Variants in WASHC2A observed in about 807,000 individuals in gnomAD.
WASHC2A encodes the protein WASH complex subunit FAM21A.
A neutral mutation model predicts 140.3 loss-of-function variants in WASHC2A; 82 were observed. That is an observed-to-expected ratio of 0.58 (90% CI 0.49 to 0.70). The LOEUF (loss-of-function observed/expected upper bound fraction) is 0.70. Ranked by LOEUF, WASHC2A falls within the 30% of genes least tolerant of loss-of-function variation. The pLI, the probability that WASHC2A is intolerant of heterozygous loss-of-function variation, is 0.00. For synonymous variants in WASHC2A, 340 were observed against 560.8 expected (o/e 0.61, Z 5.56); for missense variants, 985 against 1,521.8 (o/e 0.65, Z 5.87).
rs1839864726 is a variant in WASHC2A, at chr10:50,090,843, A to G, written c.800A>G (p.Lys267Arg). 3.1e-6 allele frequency: 5 copies of G among 1,611,536 alleles called. No individual in the cohort carries two copies. The African/African-American group carries it at 5.3e-5, about 17-fold the overall frequency. The change falls in exon 9 of 31, where the codon AAG becomes AGG. Residue 267 changes from lysine (K) to arginine (R), a missense_variant. Physicochemically the swap from Lys to Arg is conservative, Grantham distance 26. Transcript: ENST00000282633. ...TGTGACCTTTTCGCTGACTCTGAGAAGGAGGAGGAAGATATTGAGGACATT... is the reference window on the plus strand; with the variant it reads ...TGTGACCTTTTCGCTGACTCTGAGAGGGAGGAGGAAGATATTGAGGACATT... Reference protein sequence around the residue: ...DGCDLFADSEKEEEDIEDIEE... With the variant: ...DGCDLFADSEREEEDIEDIEE...
Position 50,067,966 on chromosome 10 carries a change from G to A in WASHC2A, c.-40G>A, listed in dbSNP as rs114923840. ...TCCGGGGCTCTGCAGTCCTCGGCGT[G>A]TGCTGGCAGCTTCGGAGCCCACCGA... On this transcript the variant is annotated 5_prime_UTR_variant, in exon 1 of 31. In the 5' UTR this introduces an upstream ATG that the reference lacks. Coordinates refer to ENST00000282633, the MANE Select transcript of WASHC2A (RefSeq NM_001005751.3). The A allele has an allele frequency of 2.3e-3, 3,718 of 1,598,356 alleles. 83 individuals are homozygous for A. In the African/African-American group the frequency reaches 0.045, roughly 20 times the overall value.
rs1446307704 is a variant in WASHC2A, at chr10:50,131,702, C to G, written c.3886+624C>G. 3.0e-3 allele frequency among the ~76,000 whole-genome samples: 453 copies of G among 152,346 alleles called. 7 individuals carry two copies. The highest frequency in any genetic ancestry group is 0.01 in the African/African-American group (426 of 41,580). ...TGAGGCCACATACACATTTCCTACT[C>G]TCCCCATCAATCTAGACCTTGAGAC... On this transcript the variant is annotated intron_variant, in intron 30 of 30. Transcript: ENST00000282633.
chr10:50,127,919 C>T (rs1410668551), intron 28 of WASHC2A, 124 bp downstream of exon 28: 4 of 1,539,334 alleles, frequency 2.6e-6, no homozygotes, highest in Non-Finnish European at 3.5e-6. Context: ...GGTGCCTCAT[C>T]CTTCCTTCAG....
intron 2 of WASHC2A, 112 bp downstream of exon 2, chr10:50,068,339 C>T (rs1837481611): frequency 8.4e-7 from 1 of 1,188,312 alleles, no homozygotes; most frequent in Admixed American, 2.9e-5. Flanking sequence ...TGCCTGCCCT[C>T]TTAGGAACAC....
At chr10:50,072,707 C>T (rs1589141572) in intron 3 of WASHC2A, among the ~76,000 whole-genome samples, 2 of 151,982 alleles carry the variant, frequency 1.3e-5, no homozygotes, top group Non-Finnish European at 2.9e-5. Context: ...CCAGGATGGT[C>T]TCGATCTCCT....
chr10:50,081,767 G>C (rs537001928), intron 5 of WASHC2A, among the ~76,000 whole-genome samples: 4,048 of 151,522 alleles, frequency 0.027, 145 homozygotes, highest in African/African-American at 0.092. Context: ...CGAGTAGCTG[G>C]GATTACAGGC....
At chr10:50,069,437 T>C (rs1367532360) in intron 2 of WASHC2A, 110 bp from the exon 3 acceptor site, 1 of 1,392,632 alleles carries the variant, frequency 7.2e-7, no homozygotes, top group Non-Finnish European at 9.5e-7. Context: ...AAAGCATTTC[T>C]TTCACATTCT....
intron 3 of WASHC2A, among the ~76,000 whole-genome samples, chr10:50,077,196 A>G (rs1194943108): frequency 1.3e-5 from 2 of 151,712 alleles, no homozygotes; most frequent in African/African-American, 4.8e-5. Flanking sequence ...CGGGAGGCTG[A>G]GACAAGAGAA....
chr10:50,099,567 C>A (rs1488241433), intron 16 of WASHC2A, among the ~76,000 whole-genome samples: 1 of 150,740 alleles, frequency 6.6e-6, no homozygotes, highest in African/African-American at 2.5e-5. Context: ...TGACCTTTCA[C>A]TGCTGTCCTG....
At position 50,099,169 on chromosome 10, in the gene WASHC2A, A is replaced by C. The variant is rs1387139609; in HGVS notation, c.1549-809A>C. On this transcript the variant is annotated intron_variant, in intron 16 of 30. Transcript: ENST00000282633. Reference sequence around the variant, plus strand: ...TATTAGTTGGCATTCTTCTGAATGAAGTTCTTTCTCTCCCTCTCCTTCCCC... The same window carrying C: ...TATTAGTTGGCATTCTTCTGAATGACGTTCTTTCTCTCCCTCTCCTTCCCC... 1.3e-4 allele frequency among the ~76,000 whole-genome samples: 20 copies of C among 152,162 alleles called. No individual in the cohort carries two copies. In the East Asian group the frequency reaches 3.7e-3, roughly 28 times the overall value.
chr10:50,093,350 T>A lies in WASHC2A; in HGVS notation c.1086T>A (p.Ser362Arg), dbSNP rs562261229. Reference protein sequence around the residue: ...SPFGSGGGLFSGGKGLFDDED... With the variant: ...SPFGSGGGLFRGGKGLFDDED... ...TTGGCTCTGGAGGTGGCCTGTTCAG[T>A]GGGGGCAAGGGGCTCTTTGATGATG... Residue 362 changes from serine (S) to arginine (R), a missense_variant, in exon 12 of 31, where the codon AGT becomes AGA. Ser to Arg is a moderately radical substitution (Grantham distance 110). Transcript: ENST00000282633. 6.7e-5 allele frequency: 99 copies of A among 1,485,030 alleles called. 1 individual carries two copies. In the East Asian group the frequency reaches 2.1e-3, roughly 32 times the overall value. 92.0% of individuals were successfully genotyped at this position (1,485,030 alleles called of 1,614,324 possible). A position where few individuals can be genotyped will look rare whatever the true frequency, so the allele number is the denominator to read the frequency against.
intron 7 of WASHC2A, among the ~76,000 whole-genome samples, chr10:50,086,797 AG>A: frequency 8.4e-6 from 1 of 118,482 alleles, no homozygotes; most frequent in East Asian, 2.2e-4. Flanking sequence ...ATGGCTGCAT[AG>A]TATTCCATGG....
rs1306250557 is a variant in WASHC2A, at chr10:50,095,155, A to C, written c.1188A>C (p.Ser396=). The C allele has an allele frequency of 8.8e-6, 14 of 1,582,362 alleles. No homozygotes were observed. In the African/African-American group the frequency reaches 1.7e-4, roughly 20 times the overall value. Residue 396 remains serine (S), a synonymous_variant, in exon 14 of 31, where the codon TCA becomes TCC. Transcript: ENST00000282633. ...CTTGCTTTCTCATTCTAGAGTCTTCATCATCCAAACCTGGAAAGAAAATCC... is the reference window on the plus strand; with the variant it reads ...CTTGCTTTCTCATTCTAGAGTCTTCCTCATCCAAACCTGGAAAGAAAATCC... ...QAGASVKEES[S]SSKPGKKIPA...
At chr10:50,106,717 C>T (rs1370352696) in intron 19 of WASHC2A, among the ~76,000 whole-genome samples, 42 of 135,780 alleles carry the variant, frequency 3.1e-4, no homozygotes, top group African/African-American at 1.1e-3. Context: ...TGAGTTAGGC[C>T]GGCTAGGGGG....
At chr10:50,076,851 C>T (rs1335129602) in intron 3 of WASHC2A, among the ~76,000 whole-genome samples, 19 of 150,206 alleles carry the variant, frequency 1.3e-4, no homozygotes, top group Non-Finnish European at 2.5e-4. Flanking sequence ...GGCATGGTGG[C>T]TCACACCTGT....
intron 16 of WASHC2A, among the ~76,000 whole-genome samples, chr10:50,098,026 C>A (rs1840664516): frequency 6.6e-6 from 1 of 151,210 alleles, no homozygotes; most frequent in Non-Finnish European, 1.5e-5. Context: ...TGTTACATAT[C>A]TATTTTTTTC....
intron 10 of WASHC2A, among the ~76,000 whole-genome samples, chr10:50,091,896 A>C (rs1554882920): frequency 6.6e-6 from 1 of 152,206 alleles, no homozygotes; most frequent in Non-Finnish European, 1.5e-5. Context: ...CAGGGTAGAA[A>C]GATAACACAA....
In WASHC2A at chr10:50,067,985, C is replaced by T. The variant is rs1554874460; in HGVS notation, c.-21C>T. ...CGGCGTGTGCTGGCAGCTTCGGAGC[C>T]CACCGAGCCGGGCGGCTAGGATGGT... On this transcript the variant is annotated 5_prime_UTR_variant, in exon 1 of 31. Coordinates refer to ENST00000282633, the MANE Select transcript of WASHC2A (RefSeq NM_001005751.3). The T allele has an allele frequency of 1.2e-6, 2 of 1,604,118 alleles. No individual in the cohort carries two copies. The highest frequency in any genetic ancestry group is 1.7e-6 in the Non-Finnish European group (2 of 1,176,836).
Position 50,095,661 on chromosome 10 carries a change from C to T in WASHC2A, c.1303C>T (p.Gln435Ter). 6 of 1,611,752 alleles carry T rather than the reference C, an allele frequency of 3.7e-6. No individual in the cohort carries two copies. The highest frequency in any genetic ancestry group is 5.1e-6 in the Non-Finnish European group (6 of 1,179,814). The change falls in exon 15 of 31, where the codon CAG becomes TAG. Residue 435 changes from glutamine to a stop codon, truncating the protein, a stop_gained. Coordinates refer to ENST00000282633, the MANE Select transcript of WASHC2A (RefSeq NM_001005751.3). LOFTEE classifies it high-confidence loss of function. ...PSMKEPQKPEQPTPRKSPYGP... is the reference protein window; with the variant it reads ...PSMKEPQKPE ...AATGAAGGAGCCACAGAAGCCTGAG[C>T]AGCCCACTCCAAGGAAAAGCCCCTA... is the stretch of plus-strand genomic sequence containing the variant.
Sources: allele counts gnomAD v4.1 joint callset (sites outside exome capture counted in the v4.1 genomes callset), GRCh38; gene constraint gnomAD v4.1.1; transcripts MANE v1.5; gene names NCBI Gene and HGNC (gene_info 2026-07-23, HGNC 2026-07-21).